The following ITSN1 variants were observed in gnomAD, a reference collection of about 807,000 sequenced individuals.
The protein encoded by ITSN1 is intersectin-1.
Under a neutral mutation model 239.8 loss-of-function variants are expected in ITSN1, and 58 were observed. That is an observed-to-expected ratio of 0.24 (90% CI 0.20 to 0.30). The LOEUF (loss-of-function observed/expected upper bound fraction) is 0.30. Among genes scored for constraint, ITSN1 ranks in the 10% least tolerant of loss-of-function variants. The probability of loss-of-function intolerance (pLI) is 1.00; values close to 1 mark genes in which losing one functional copy is unlikely to be tolerated. For synonymous variants in ITSN1, 780 were observed against 770.8 expected (o/e 1.01, Z -0.20); for missense variants, 1,558 against 2,103.3 (o/e 0.74, Z 5.07).
At chr21:33,660,673 CAGGAGTCTTTT>C (rs1175599067) in intron 1 of ITSN1, among the ~76,000 whole-genome samples, 3 of 152,150 alleles carry the variant, frequency 2.0e-5, no homozygotes, top group Non-Finnish European at 4.4e-5. Flanking sequence ...TTGGAAAGAA[CAGGAGTCTTTT>C]AGTGGCATTT....
In ITSN1 at chr21:33,797,669, A is replaced by G; in HGVS notation, c.2182+61A>G. 1 of 1,366,310 alleles carries G rather than the reference A, an allele frequency of 7.3e-7. No homozygotes were observed. Among genetic ancestry groups the G allele is most frequent in the Non-Finnish European group, 1.0e-6 (1 of 971,948 alleles). The allele number at this position is 1,366,310 out of a possible 1,614,324, so 84.6% of individuals were successfully genotyped here. A position where few individuals can be genotyped will look rare whatever the true frequency, so the allele number is the denominator to read the frequency against. ...CATCTTCTCTCCCAGAGCCTCCTGA[A>G]AAATGCCCCTATCTCATCAGTACCT... On this transcript the variant is annotated intron_variant, in intron 18 of 39. Transcript: ENST00000381318. The surrounding 1 kb of genome is among the most constrained non-coding windows in gnomAD (Gnocchi z 4.9).
In ITSN1 at chr21:33,800,927, C is replaced by A. The variant is rs1375534375; in HGVS notation, c.2304+998C>A. On this transcript the variant is annotated intron_variant, in intron 19 of 39. Transcript: ENST00000381318. ...CCTCCCTGCAACCTCTGCCTCCCTG[C>A]AACCTCTGCCTCCCTGCAACCTCTG... 2.0e-5 allele frequency among the ~76,000 whole-genome samples: 3 copies of A among 151,728 alleles called. No homozygotes were observed. In the East Asian group the frequency reaches 5.8e-4, roughly 29 times the overall value.
rs1300079693 is a variant in ITSN1 at position 33,642,518 on chromosome 21, C to T, written c.-228C>T. 6.6e-6 allele frequency: 1 copy of T among 152,664 alleles called. No homozygotes were observed. The highest frequency in any genetic ancestry group is 1.9e-4 in the East Asian group (1 of 5,172). The allele number at this position is 152,664 out of a possible 1,614,324, so 9.5% of individuals were successfully genotyped here. A position where few individuals can be genotyped will look rare whatever the true frequency, so the allele number is the denominator to read the frequency against. On this transcript the variant is annotated 5_prime_UTR_variant, in exon 1 of 40. Coordinates refer to ENST00000381318, the MANE Select transcript of ITSN1 (RefSeq NM_003024.3). ...CGAAGGAGGTAGAGAAGAGTGGAGG[C>T]GCCAGGGGAGGGAGCGTAGCTTGGT...
intron 5 of ITSN1, among the ~76,000 whole-genome samples, chr21:33,741,894 CAAAAAAAA>C (rs57036929): frequency 2.7e-5 from 2 of 74,142 alleles, no homozygotes; most frequent in African/African-American, 4.9e-5. Context: ...GATTCCGTCT[CAAAAAAAA>C]AAAAAAAAAA....
At chr21:33,679,735 G>A (rs1320395605) in intron 1 of ITSN1, among the ~76,000 whole-genome samples, 4 of 112,200 alleles carry the variant, frequency 3.6e-5, no homozygotes, top group East Asian at 2.7e-4. Context: ...ACGGAGTCTC[G>A]CTCTGTCACA....
intron 24 of ITSN1, among the ~76,000 whole-genome samples, chr21:33,822,604 CCAAGAGTGATG>C (rs2073751408): frequency 6.6e-6 from 1 of 152,092 alleles, no homozygotes; most frequent in South Asian, 2.1e-4. Context: ...ATAAAATCCA[CCAAGAGTGATG>C]CAAAGTTCTA....
At chr21:33,749,676 G>A (rs58777735) in intron 5 of ITSN1, among the ~76,000 whole-genome samples, 33,003 of 151,648 alleles carry the variant, frequency 0.22, 4,125 homozygotes, top group Non-Finnish European at 0.27. Context: ...AAAAGAAAAT[G>A]AATAAAGATG....
intron 17 of ITSN1, among the ~76,000 whole-genome samples, chr21:33,794,698 G>A (rs1011499523): frequency 3.9e-5 from 6 of 152,190 alleles, no homozygotes; most frequent in Admixed American, 6.5e-5. Flanking sequence ...CTACTATGTA[G>A]ATAAATGGAA....
intron 33 of ITSN1, among the ~76,000 whole-genome samples, chr21:33,868,357 G>A (rs868539203): frequency 2.6e-5 from 4 of 152,262 alleles, no homozygotes; most frequent in Admixed American, 1.3e-4. Flanking sequence ...ACTGGGCGCC[G>A]TGGAGCAGGG....
chr21:33,838,376 C>T (rs1332334246), intron 29 of ITSN1: 2 of 985,092 alleles, frequency 2.0e-6, no homozygotes, highest in Non-Finnish European at 2.4e-6. Context: ...AGTTGCACTT[C>T]AGTATTTTCA....
intron 31 of ITSN1, among the ~76,000 whole-genome samples, chr21:33,861,960 T>A (rs371823619): frequency 1.3e-3 from 26 of 20,394 alleles, no homozygotes; most frequent in East Asian, 2.3e-3. Flanking sequence ...AATAAATAAA[T>A]AAATAAATAA....
At chr21:33,703,661 T>C (rs1464876066) in intron 1 of ITSN1, among the ~76,000 whole-genome samples, 2 of 152,170 alleles carry the variant, frequency 1.3e-5, no homozygotes, top group East Asian at 3.8e-4. Flanking sequence ...AAAGGAAATA[T>C]AAATACCAAG....
At chr21:33,852,546 C>T (rs1032145594) in intron 29 of ITSN1, among the ~76,000 whole-genome samples, 4 of 151,634 alleles carry the variant, frequency 2.6e-5, no homozygotes, top group Admixed American at 6.6e-5. Context: ...TTTTTTTCCC[C>T]GTGATTTTCT....
At chr21:33,878,008 TTGTGTGTGTGTGTGTG>T (rs71194867) in intron 34 of ITSN1, among the ~76,000 whole-genome samples, 108 of 140,318 alleles carry the variant, frequency 7.7e-4, no homozygotes, top group African/African-American at 2.6e-3. Flanking sequence ...CTCTCTCTCT[TTGTGTGTGTGTGTGTG>T]TGTGTGTGTG....
chr21:33,745,927 A>G (rs1377570557), intron 5 of ITSN1, among the ~76,000 whole-genome samples: 4 of 152,192 alleles, frequency 2.6e-5, no homozygotes, highest in Non-Finnish European at 5.9e-5. Context: ...GTGAAATGTT[A>G]AAGTTGAGGA....
At chr21:33,795,329 G>A (rs1350895997) in intron 17 of ITSN1, among the ~76,000 whole-genome samples, 5 of 152,138 alleles carry the variant, frequency 3.3e-5, no homozygotes, top group Non-Finnish European at 7.4e-5. Context: ...CGCGCCTGTA[G>A]TCCCAGCTAC....
chr21:33,658,681 C>T (rs1276052067), intron 1 of ITSN1, among the ~76,000 whole-genome samples: 4 of 152,176 alleles, frequency 2.6e-5, no homozygotes, highest in African/African-American at 9.7e-5. Context: ...TAGAGCATTG[C>T]TCACCTGCCA....
At chr21:33,782,245 G>A (rs2070255605) in intron 16 of ITSN1, 112 bp downstream of exon 16, 1 of 1,072,996 alleles carries the variant, frequency 9.3e-7, no homozygotes, top group Non-Finnish European at 1.4e-6. Context: ...GCCATTGTGA[G>A]ACAATCTAAA....
At chr21:33,671,452 A>G (rs2090273411) in intron 1 of ITSN1, among the ~76,000 whole-genome samples, 1 of 151,838 alleles carries the variant, frequency 6.6e-6, no homozygotes, top group Non-Finnish European at 1.5e-5. Flanking sequence ...ACGCCCGACT[A>G]ATTTTGTATT....
Sources: gnomAD v4.1 joint callset for allele counts (sites outside exome capture counted in the v4.1 genomes callset) on GRCh38, gnomAD v4.1.1 for gene constraint, Gnocchi (gnomAD v3.1) non-coding constraint, MANE v1.5 for transcripts, NCBI Gene and HGNC (gene_info 2026-07-23, HGNC 2026-07-21) for gene names.